F8: variants seen among roughly 807,000 people sequenced by gnomAD.
F8 encodes the protein antihemophilic factor.
A neutral mutation model predicts 140.6 loss-of-function variants in F8; 12 were observed. The observed-to-expected ratio is 0.09, with a 90% confidence interval of 0.05 to 0.14. The LOEUF is 0.14. F8 is among the 10% of genes least tolerant of loss of function. F8 has a pLI of 1.00. For missense variants in F8, 1,354 were observed against 1,720.7 expected, an observed-to-expected ratio of 0.79 and a Z score of 3.77; for synonymous variants, 585 against 614.6, an observed-to-expected ratio of 0.95 and a Z score of 0.71.
intron 3 of F8, among the ~76,000 whole-genome samples, chrX:154,995,227 T>C (rs1304993449): frequency 1.8e-5 from 2 of 111,595 alleles, no homozygotes; most frequent in Non-Finnish European, 3.8e-5. Context: ...CACGTTGTGG[T>C]GGGGGCAGGG....
chrX:154,963,940 G>A (rs782189773), intron 9 of F8, among the ~76,000 whole-genome samples: 22 of 110,025 alleles, frequency 2.0e-4, no homozygotes, highest in Non-Finnish European at 3.2e-4. Flanking sequence ...TCCCAGATTC[G>A]AGCGATTCTC....
In F8 at chrX:154,947,833, T is replaced by A; in HGVS notation, c.1978A>T (p.Ser660Cys). 4 of 1,210,984 alleles carry A rather than the reference T, an allele frequency of 3.3e-6. No homozygotes were observed. The highest frequency in any genetic ancestry group is 4.5e-6 in the Non-Finnish European group (4 of 894,849). ...LHEVAYWYIL[S>C]IGAQTDFLSV... ...AGGAAGTCAGTCTGTGCTCCAATGCTTAGAATGTACCAGTATGCCACCTCA... is the reference window on the plus strand; with the variant it reads ...AGGAAGTCAGTCTGTGCTCCAATGCATAGAATGTACCAGTATGCCACCTCA... The change falls in exon 13 of 26, where the codon AGC becomes TGC. Residue 660 changes from serine to cysteine, a missense_variant. Ser to Cys is a moderately radical substitution (Grantham distance 112). Coordinates refer to ENST00000360256, the MANE Select transcript of F8 (RefSeq NM_000132.4).
Position 154,999,547 on chromosome X carries a change from T to G in F8, c.197A>C (p.Lys66Thr). The G allele has an allele frequency of 8.3e-7, 1 of 1,209,150 alleles. No individual in the cohort carries two copies. Among genetic ancestry groups the G allele is most frequent in the Non-Finnish European group, 1.1e-6 (1 of 893,546 alleles). The change falls in exon 2 of 26, where the codon AAA becomes ACA. Residue 66 changes from lysine (K) to threonine (T), a missense_variant. By Grantham distance (78) the Lys-to-Thr change is moderately conservative. Coordinates refer to ENST00000360256, the MANE Select transcript of F8 (RefSeq NM_000132.4). ...SFPFNTSVVY[K>T]KTLFVEFTDH... ...CGTGAATTCTACAAACAGAGTCTTT[T>G]TGTACACGACTGAGGTGTTGAATGG...
chrX:154,985,026 T>C (rs1241994926), intron 5 of F8, among the ~76,000 whole-genome samples: 1 of 112,423 alleles, frequency 8.9e-6, no homozygotes, highest in Non-Finnish European at 1.9e-5. Context: ...CTCCCTCCAT[T>C]TGTCCATGAC....
chrX:154,953,943 C>T lies in F8; in HGVS notation c.1852G>A (p.Ala618Thr), dbSNP rs782551878. The T allele has an allele frequency of 8.3e-7, 1 of 1,211,776 alleles. No individual in the cohort carries two copies. The part of the protein sequence containing the change: ...ENIQRFLPNP[A>T]GVQLEDPEFQ... ...TCTGGATCCTCAAGCTGCACTCCAG[C>T]TGGATTGGGGAGAAAGCGTTGTATA... Residue 618 changes from alanine (A) to threonine (T), a missense_variant, in exon 12 of 26, where the codon GCT (alanine) becomes ACT (threonine). Physicochemically the swap from Ala to Thr is moderately conservative, Grantham distance 58. Coordinates refer to ENST00000360256, the MANE Select transcript of F8 (RefSeq NM_000132.4).
chrX:154,986,504 T>C (rs1394773885), intron 5 of F8, among the ~76,000 whole-genome samples: 1 of 110,222 alleles, frequency 9.1e-6, no homozygotes, highest in Non-Finnish European at 1.9e-5. Context: ...TTGCCCAGGC[T>C]GGTCTCAAAC....
In F8 at chrX:155,022,448, A is replaced by G. The variant is rs2073764639; in HGVS notation, c.105T>C (p.Tyr35=). 2 of 1,209,040 alleles carry G rather than the reference A, an allele frequency of 1.7e-6. No individual in the cohort carries two copies. Among genetic ancestry groups the G allele is most frequent in the South Asian group, 3.5e-5 (2 of 56,662 alleles). ...GCAGCTCACCGAGATCACTTTGCAT[A>G]TAGTCCCATGACAGTTCCACTGCAC... The part of the protein sequence containing the change: ...YLGAVELSWD[Y]MQSDLGELPV... The change falls in exon 1 of 26, where the codon TAT becomes TAC. Residue 35 remains tyrosine, a synonymous_variant. Transcript: ENST00000360256.
chrX:154,899,548 A>G (rs1456737419), intron 21 of F8, among the ~76,000 whole-genome samples: 1 of 112,384 alleles, frequency 8.9e-6, no homozygotes, highest in Non-Finnish European at 1.9e-5. Flanking sequence ...AGGGGATTGG[A>G]GTACTTAAGG....
intron 25 of F8, among the ~76,000 whole-genome samples, chrX:154,840,545 C>T (rs1053170576): frequency 3.6e-5 from 4 of 111,821 alleles, no homozygotes; most frequent in East Asian, 2.8e-4. Flanking sequence ...GGGATGGGCT[C>T]GTTATTACTG....
intron 14 of F8, among the ~76,000 whole-genome samples, chrX:154,922,735 C>A (rs2124036897): frequency 9.0e-6 from 1 of 111,290 alleles, no homozygotes; most frequent in South Asian, 3.8e-4. Context: ...CACATCTAGT[C>A]CATTTGAGAA....
chrX:154,996,558 G>A (rs2073618155), intron 3 of F8, among the ~76,000 whole-genome samples: 1 of 112,052 alleles, frequency 8.9e-6, no homozygotes, highest in Non-Finnish European at 1.9e-5. Context: ...TGGCCAAGGA[G>A]GTGGGATACC....
intron 13 of F8, among the ~76,000 whole-genome samples, 189 bp from the exon 14 acceptor site, chrX:154,931,865 T>G (rs782438969): frequency 8.9e-6 from 1 of 112,579 alleles, no homozygotes; most frequent in East Asian, 2.8e-4. Context: ...TGTTGTACTA[T>G]GCCTGTTTGT....
At chrX:154,956,797 A>G (rs186062595) in intron 11 of F8, among the ~76,000 whole-genome samples, 160 bp downstream of exon 11, 13 of 112,393 alleles carry the variant, frequency 1.2e-4, no homozygotes, top group African/African-American at 3.5e-4. Flanking sequence ...TCTATGGCCT[A>G]TCCATCCAGC....
At chrX:155,016,297 T>TGTCCAG (rs1450956673) in intron 1 of F8, among the ~76,000 whole-genome samples, 1 of 111,715 alleles carries the variant, frequency 9.0e-6, no homozygotes, top group African/African-American at 3.3e-5. Context: ...CATCAAATGT[T>TGTCCAG]GTCCAGGATA....
intron 14 of F8, among the ~76,000 whole-genome samples, chrX:154,911,167 G>A (rs1264886598): frequency 9.2e-6 from 1 of 108,568 alleles, no homozygotes; most frequent in Non-Finnish European, 1.9e-5. Flanking sequence ...CGGGTCCTCC[G>A]TATGCTGAGC....
intron 6 of F8, among the ~76,000 whole-genome samples, chrX:154,980,846 C>G (rs1394150970): frequency 8.9e-6 from 1 of 111,923 alleles, no homozygotes; most frequent in Non-Finnish European, 1.9e-5. Context: ...TGGCACACAC[C>G]TGTAGTCCCA....
intron 6 of F8, among the ~76,000 whole-genome samples, chrX:154,979,657 G>A (rs1221148338): frequency 9.0e-6 from 1 of 111,689 alleles, no homozygotes; most frequent in Non-Finnish European, 1.9e-5. Flanking sequence ...CAGCAGCAGT[G>A]GTTGTAGGTA....
At chrX:154,838,335 A>G (rs1408631433) in intron 25 of F8, among the ~76,000 whole-genome samples, 2 of 111,837 alleles carry the variant, frequency 1.8e-5, no homozygotes, top group African/African-American at 6.5e-5. Flanking sequence ...AAGGTCACCT[A>G]TAACTGGGTG....
At chrX:154,999,272 G>T (rs782298336) in intron 2 of F8, among the ~76,000 whole-genome samples, 1 of 109,757 alleles carries the variant, frequency 9.1e-6, no homozygotes, top group Non-Finnish European at 1.9e-5. Flanking sequence ...TCTAAGTGGA[G>T]GTAAGCAGTT....
Sources: gnomAD v4.1 joint callset for allele counts (sites outside exome capture counted in the v4.1 genomes callset) on GRCh38, gnomAD v4.1.1 for gene constraint, MANE v1.5 for transcripts, NCBI Gene and HGNC (gene_info 2026-07-23, HGNC 2026-07-21) for gene names.